Variants in FAM135B observed in about 807,000 individuals in gnomAD.
FAM135B encodes family with sequence similarity 135 member B, also known as protein FAM135B.
In FAM135B, 43 loss-of-function variants were observed where a neutral mutation model predicts 127.7. The observed-to-expected ratio is 0.34, with a 90% CI of 0.26 to 0.43. FAM135B has a LOEUF of 0.43. FAM135B is among the 20% of genes least tolerant of loss of function. FAM135B has a pLI of 1.00. For missense variants in FAM135B, 1,558 were observed against 1,725.6 expected (o/e 0.90, Z 1.72); for synonymous variants, 670 against 665.1 (o/e 1.01, Z -0.11).
intron 1 of FAM135B, among the ~76,000 whole-genome samples, chr8:138,385,751 G>A (rs1832163804): frequency 6.6e-6 from 1 of 152,116 alleles, no homozygotes. Flanking sequence ...GACAGCAGTT[G>A]CAGTGAGCTG....
At chr8:138,345,897 G>C (rs1203637702) in intron 2 of FAM135B, among the ~76,000 whole-genome samples, 1 of 152,078 alleles carries the variant, frequency 6.6e-6, no homozygotes, top group Non-Finnish European at 1.5e-5. Flanking sequence ...TATATGTTTT[G>C]CAATCCATCC....
rs771978398 is a variant in FAM135B at position 138,167,905 on chromosome 8, G to A, written c.1248C>T (p.Cys416=). 1.2e-5 allele frequency: 20 copies of A among 1,611,410 alleles called. No individual in the cohort carries two copies. The highest frequency in any genetic ancestry group is 1.7e-6 in the Non-Finnish European group (2 of 1,178,694). Reference sequence around the variant, plus strand: ...ACAAAACAGACAAACCTGTCGCAGGGCAGTCCACGTATCTGTCCTCAAAGA... The same window carrying A: ...ACAAAACAGACAAACCTGTCGCAGGACAGTCCACGTATCTGTCCTCAAAGA... The part of the protein sequence containing the change: ...PVIFEDRYVD[C]PATGHNLSVY... The change falls in exon 12 of 20, where the codon TGC becomes TGT. Residue 416 remains cysteine (C), a synonymous_variant. Coordinates refer to ENST00000395297, the MANE Select transcript of FAM135B (RefSeq NM_015912.4).
At chr8:138,424,234 G>A (rs1487188736) in intron 1 of FAM135B, among the ~76,000 whole-genome samples, 1 of 152,180 alleles carries the variant, frequency 6.6e-6, no homozygotes, top group Non-Finnish European at 1.5e-5. Context: ...TTGGGGAAGT[G>A]ATAAGTGTCC....
chr8:138,206,464 G>GCATCCCCTCCACCTACCCACAACTCTAT (rs1817631689), intron 7 of FAM135B, among the ~76,000 whole-genome samples: 1 of 91,994 alleles, frequency 1.1e-5, no homozygotes, highest in African/African-American at 4.4e-5. Context: ...CACAACTCCA[G>GCATCCCCTCCACCTACCCACAACTCTAT]CATCCCCTCC....
chr8:138,239,300 C>T (rs1413210716), intron 7 of FAM135B, among the ~76,000 whole-genome samples: 1 of 152,216 alleles, frequency 6.6e-6, no homozygotes, highest in African/African-American at 2.4e-5. Flanking sequence ...TTGCATTTCT[C>T]TGATGGCCAG....
intron 9 of FAM135B, among the ~76,000 whole-genome samples, chr8:138,183,010 CT>C (rs1019412116): frequency 6.7e-4 from 102 of 151,598 alleles, no homozygotes; most frequent in African/African-American, 2.3e-3. Context: ...TCCCCAACAC[CT>C]TGTGTGCATA....
intron 3 of FAM135B, among the ~76,000 whole-genome samples, chr8:138,287,309 C>T (rs1824765470): frequency 6.6e-6 from 1 of 152,046 alleles, no homozygotes; most frequent in South Asian, 2.1e-4. Flanking sequence ...AGATGGTCAA[C>T]CTCCTTAGTA....
At chr8:138,467,484 A>C (rs911820691) in intron 1 of FAM135B, among the ~76,000 whole-genome samples, 1 of 152,224 alleles carries the variant, frequency 6.6e-6, no homozygotes, top group South Asian at 2.1e-4. Flanking sequence ...TGGTTACCAT[A>C]ACAGACAAGG....
At chr8:138,233,154 A>G (rs550872556) in intron 7 of FAM135B, among the ~76,000 whole-genome samples, 23 of 152,338 alleles carry the variant, frequency 1.5e-4, no homozygotes, top group African/African-American at 5.5e-4. Flanking sequence ...AGCTGCAGGC[A>G]TCACACTTCC....
rs76467546 is a variant in FAM135B at position 138,241,736 on chromosome 8, T to C, written c.669+1206A>G. On this transcript the variant is annotated intron_variant, in intron 7 of 19. Coordinates refer to ENST00000395297, the MANE Select transcript of FAM135B (RefSeq NM_015912.4). The surrounding 1 kb of genome is among the most constrained non-coding windows in gnomAD (Gnocchi z 4.8). ...AATTAGTAGTGATAGTTACTATTAA[T>C]GTGACAGTTACTTTTACGTGTCATC... Among the ~76,000 whole-genome samples, 854 of 152,322 alleles carry C rather than the reference T, an allele frequency of 5.6e-3. 5 individuals are homozygous for C. Among genetic ancestry groups the C allele is most frequent in the Non-Finnish European group, 9.4e-3 (640 of 68,030 alleles).
At chr8:138,341,080 T>C (rs1829016266) in intron 2 of FAM135B, among the ~76,000 whole-genome samples, 1 of 152,072 alleles carries the variant, frequency 6.6e-6, no homozygotes, top group African/African-American at 2.4e-5. Context: ...CCAGAAGAAG[T>C]AGAATAAGAG....
intron 6 of FAM135B, among the ~76,000 whole-genome samples, chr8:138,248,025 T>C (rs549457542): frequency 1.3e-5 from 2 of 152,346 alleles, no homozygotes; most frequent in South Asian, 4.1e-4. Flanking sequence ...ATGCTTATTA[T>C]GTGCTAGACA....
intron 2 of FAM135B, among the ~76,000 whole-genome samples, chr8:138,365,491 G>T (rs570402795): frequency 6.6e-6 from 1 of 151,914 alleles, no homozygotes; most frequent in Non-Finnish European, 1.5e-5. Flanking sequence ...ATGCTTACAA[G>T]TCTATATATC....
intron 1 of FAM135B, among the ~76,000 whole-genome samples, chr8:138,392,114 C>G (rs772879699): frequency 1.3e-5 from 2 of 152,242 alleles, no homozygotes; most frequent in African/African-American, 4.8e-5. Flanking sequence ...GAATGTCACA[C>G]ATTCAGATAA....
At chr8:138,201,484 A>G (rs535308204) in intron 7 of FAM135B, among the ~76,000 whole-genome samples, 2 of 152,302 alleles carry the variant, frequency 1.3e-5, no homozygotes, top group East Asian at 3.9e-4. Context: ...AACAAAACAA[A>G]AAAACTTCCA....
chr8:138,422,401 T>C (rs907769745), intron 1 of FAM135B, among the ~76,000 whole-genome samples: 3 of 152,016 alleles, frequency 2.0e-5, no homozygotes, highest in African/African-American at 7.2e-5. Flanking sequence ...CTAGAACCCA[T>C]AATAAACTTT....
intron 7 of FAM135B, among the ~76,000 whole-genome samples, chr8:138,212,745 C>T (rs554584857): frequency 4.6e-5 from 7 of 152,312 alleles, no homozygotes; most frequent in African/African-American, 1.7e-4. Context: ...AAAGCAATTC[C>T]CCTGACTGTG....
chr8:138,140,263 C>T (rs987398596), intron 17 of FAM135B, among the ~76,000 whole-genome samples: 6 of 152,104 alleles, frequency 3.9e-5, no homozygotes, highest in East Asian at 1.9e-4. Context: ...GAGGAAACAA[C>T]GTTAGTGTGG....
At chr8:138,418,360 A>C (rs927977512) in intron 1 of FAM135B, among the ~76,000 whole-genome samples, 7 of 152,166 alleles carry the variant, frequency 4.6e-5, no homozygotes, top group Non-Finnish European at 8.8e-5. Context: ...AGCAACTTTG[A>C]AAACATATTT....
Sources: allele counts gnomAD v4.1 joint callset (sites outside exome capture counted in the v4.1 genomes callset), GRCh38; gene constraint gnomAD v4.1.1; non-coding constraint Gnocchi (gnomAD v3.1); transcripts MANE v1.5; gene names NCBI Gene and HGNC (gene_info 2026-07-23, HGNC 2026-07-21).